The following GNA12 variants were observed in gnomAD, a reference collection of about 807,000 sequenced individuals.
GNA12 encodes guanine nucleotide-binding protein subunit alpha-12.
In GNA12, 9 loss-of-function variants were observed where a neutral mutation model predicts 26.0. That is an observed-to-expected ratio of 0.35 (90% CI 0.21 to 0.60). The LOEUF (loss-of-function observed/expected upper bound fraction) is 0.60. Among genes scored for constraint, GNA12 ranks in the 20% least tolerant of loss-of-function variants. The pLI, the probability that GNA12 is intolerant of heterozygous loss-of-function variation, is 0.78. For missense variants in GNA12, 405 were observed against 525.8 expected (o/e 0.77, Z 2.25); for synonymous variants, 264 against 219.6 (o/e 1.20, Z -1.79).
chr7:2,739,487 A>G, intron 2 of GNA12, among the ~76,000 whole-genome samples: 1 of 99,142 alleles, frequency 1.0e-5, no homozygotes, highest in East Asian at 2.2e-4. Context: ...CAATATATAT[A>G]TATGTATATT....
Position 2,758,209 on chromosome 7 carries a change from G to A in GNA12, c.526-24708C>T, listed in dbSNP as rs530062166. On this transcript the variant is annotated intron_variant, in intron 2 of 3. Transcript: ENST00000275364. ...TATCGATGCTTACAGTATTAGAAAT[G>A]AAAACTCAGAGCTTTTAAGAAAACA... Among the ~76,000 whole-genome samples, 11 of 152,300 alleles carry A rather than the reference G, an allele frequency of 7.2e-5. No homozygotes were observed. In the South Asian group the frequency reaches 2.3e-3, roughly 32 times the overall value.
At position 2,798,308 on chromosome 7, in the gene GNA12, CTAGAA is replaced by C. The variant is rs148376173; in HGVS notation, c.310-3170_310-3166del. 9.7e-3 allele frequency among the ~76,000 whole-genome samples: 1,484 copies of C among 152,232 alleles called. 16 individuals are homozygous for C. Among genetic ancestry groups the C allele is most frequent in the African/African-American group, 0.034 (1,392 of 41,542 alleles). On this transcript the variant is annotated intron_variant, in intron 1 of 3. Transcript: ENST00000275364. ...CCAAAGTAATCTACCAAAAAAACTC[CTAGAA>C]TAAACAAATGAATCCAGAATAGTTG...
chr7:2,761,956 C>T (rs1170512427), intron 2 of GNA12, among the ~76,000 whole-genome samples: 3 of 152,152 alleles, frequency 2.0e-5, no homozygotes, highest in African/African-American at 4.8e-5. Flanking sequence ...AGTGTCCAGC[C>T]GCCCACCAGT....
At chr7:2,758,835 CA>C (rs1791421792) in intron 2 of GNA12, among the ~76,000 whole-genome samples, 1 of 152,174 alleles carries the variant, frequency 6.6e-6, no homozygotes, top group East Asian at 1.9e-4. Context: ...AGAGGGTTAT[CA>C]CCGCATGTAT....
chr7:2,835,568 G>C (rs377029083), intron 1 of GNA12: 6 of 528,232 alleles, frequency 1.1e-5, no homozygotes, highest in Non-Finnish European at 7.0e-6. Context: ...CAGGGAGCAA[G>C]AGCGCGCTTG....
intron 2 of GNA12, among the ~76,000 whole-genome samples, chr7:2,772,905 A>C (rs1791984730): frequency 1.3e-5 from 2 of 152,250 alleles, no homozygotes; most frequent in South Asian, 4.1e-4. Context: ...TGTGAACAGG[A>C]GAAGAAATAA....
chr7:2,762,327 C>G (rs1180008848), intron 2 of GNA12: 1 of 330,222 alleles, frequency 3.0e-6, no homozygotes, highest in Non-Finnish European at 5.5e-6. Flanking sequence ...AGGCGCTGCG[C>G]GACTGCTGCT....
intron 2 of GNA12, among the ~76,000 whole-genome samples, chr7:2,746,350 G>T (rs1446572840): frequency 6.6e-6 from 1 of 152,120 alleles, no homozygotes; most frequent in Non-Finnish European, 1.5e-5. Flanking sequence ...AATCAAACTA[G>T]AACTCAGGAT....
At chr7:2,808,289 C>T (rs574741483) in intron 1 of GNA12, among the ~76,000 whole-genome samples, 8 of 152,366 alleles carry the variant, frequency 5.3e-5, no homozygotes, top group South Asian at 2.1e-4. Context: ...TCAGTGCTTA[C>T]GGCCTGCACT....
At chr7:2,753,981 T>C (rs2115371593) in intron 2 of GNA12, among the ~76,000 whole-genome samples, 1 of 152,300 alleles carries the variant, frequency 6.6e-6, no homozygotes, top group East Asian at 1.9e-4. Flanking sequence ...CTTTGTTCAC[T>C]TGGATATGCT....
At chr7:2,733,558 C>T in intron 2 of GNA12, 57 bp from the exon 3 acceptor site, 1 of 1,374,672 alleles carries the variant, frequency 7.3e-7, no homozygotes, top group East Asian at 2.3e-5. Flanking sequence ...CCTGATGTGG[C>T]AAATACAAGA....
rs1009637393 is a variant in GNA12, at chr7:2,793,323, G to A, written c.525+1605C>T. Among the ~76,000 whole-genome samples, 4 of 146,506 alleles carry A rather than the reference G, an allele frequency of 2.7e-5. No homozygotes were observed. The South Asian group carries it at 6.3e-4, about 23-fold the overall frequency. Reference sequence around the variant, plus strand: ...CGGACAGGACGCGAGAGGAAGCAGCGGACAGGACGCGAGAGGAAGCAGCGG... The same window carrying A: ...CGGACAGGACGCGAGAGGAAGCAGCAGACAGGACGCGAGAGGAAGCAGCGG... On this transcript the variant is annotated intron_variant, in intron 2 of 3. Coordinates refer to ENST00000275364, the MANE Select transcript of GNA12 (RefSeq NM_007353.3).
At chr7:2,776,730 C>T (rs1361290511) in intron 2 of GNA12, among the ~76,000 whole-genome samples, 2 of 152,202 alleles carry the variant, frequency 1.3e-5, no homozygotes, top group Non-Finnish European at 2.9e-5. Context: ...AGGACCAGGT[C>T]TTGCAACCCC....
chr7:2,768,367 G>T (rs112575436), intron 2 of GNA12, among the ~76,000 whole-genome samples: 42 of 152,342 alleles, frequency 2.8e-4, no homozygotes, highest in African/African-American at 9.9e-4. Flanking sequence ...ATCCAGTGAA[G>T]ATCAGTAGCC....
At chr7:2,762,714 G>A (rs1396368053) in intron 2 of GNA12, 2 of 1,564,346 alleles carry the variant, frequency 1.3e-6, no homozygotes, top group South Asian at 1.2e-5. Context: ...AGCGCCAGAG[G>A]GAAGCAGGCC....
intron 2 of GNA12, among the ~76,000 whole-genome samples, chr7:2,781,246 T>C (rs1349673576): frequency 6.6e-6 from 1 of 152,220 alleles, no homozygotes; most frequent in African/African-American, 2.4e-5. Flanking sequence ...AATCTTTTCC[T>C]CTTGGATTTG....
chr7:2,746,254 G>C (rs1317295181), intron 2 of GNA12, among the ~76,000 whole-genome samples: 1 of 152,096 alleles, frequency 6.6e-6, no homozygotes, highest in Non-Finnish European at 1.5e-5. Context: ...TTCCAAAATT[G>C]ACCACTTGAT....
intron 2 of GNA12, chr7:2,762,655 G>T (rs750871742): frequency 6.3e-7 from 1 of 1,599,018 alleles, no homozygotes; most frequent in Non-Finnish European, 8.5e-7. Flanking sequence ...GCGGCAGGAC[G>T]ATGAGAGGAT....
chr7:2,791,738 G>C (rs1446197478), intron 2 of GNA12, among the ~76,000 whole-genome samples: 1 of 152,288 alleles, frequency 6.6e-6, no homozygotes, highest in East Asian at 1.9e-4. Flanking sequence ...GGGTGGGGGA[G>C]GGAGCCCTGG....
Sources: allele counts gnomAD v4.1 joint callset (sites outside exome capture counted in the v4.1 genomes callset), GRCh38; gene constraint gnomAD v4.1.1; transcripts MANE v1.5; gene names NCBI Gene and HGNC (gene_info 2026-07-23, HGNC 2026-07-21).